The following RYR2 variants were observed in gnomAD, a reference collection of about 807,000 sequenced individuals.
RYR2 encodes ryanodine receptor 2, also known as cardiac muscle ryanodine receptor-calcium release channel.
RYR2 carries 227 observed loss-of-function variants against 601.1 expected under a neutral mutation model. That is an observed-to-expected ratio of 0.38 (90% CI 0.34 to 0.42). The LOEUF is 0.42. RYR2 is among the 10% of genes least tolerant of loss of function. The pLI, the probability that RYR2 is intolerant of heterozygous loss-of-function variation, is 1.00. For synonymous variants in RYR2, 2,223 were observed against 2,175.1 expected, an observed-to-expected ratio of 1.02 and a Z score of -0.61; for missense variants, 4,646 against 6,156.5, an observed-to-expected ratio of 0.75 and a Z score of 8.21.
intron 40 of RYR2, among the ~76,000 whole-genome samples, chr1:237,626,014 T>A (rs1679607882): frequency 6.6e-6 from 1 of 152,158 alleles, no homozygotes; most frequent in African/African-American, 2.4e-5. Context: ...AGCAGCATGA[T>A]AAAGATGGAT....
intron 63 of RYR2, among the ~76,000 whole-genome samples, chr1:237,694,681 A>G (rs930882748): frequency 4.6e-5 from 7 of 152,220 alleles, no homozygotes; most frequent in Non-Finnish European, 1.0e-4. Flanking sequence ...TCAGTTGAAC[A>G]TAGCATTATA....
At chr1:237,421,670 G>T (rs1270359749) in intron 11 of RYR2, among the ~76,000 whole-genome samples, 1 of 152,120 alleles carries the variant, frequency 6.6e-6, no homozygotes, top group Non-Finnish European at 1.5e-5. Context: ...TAATAAGTCT[G>T]TATGAACCCA....
chr1:237,152,891 T>A (rs1243634212), intron 1 of RYR2, among the ~76,000 whole-genome samples: 2 of 148,160 alleles, frequency 1.3e-5, no homozygotes, highest in South Asian at 2.2e-4. Flanking sequence ...TGGGAAAAAA[T>A]TTTTGCAGTT....
At chr1:237,766,879 T>C (rs187334871) in intron 84 of RYR2, among the ~76,000 whole-genome samples, 253 of 152,354 alleles carry the variant, frequency 1.7e-3, no homozygotes, top group Non-Finnish European at 2.8e-3. Flanking sequence ...ATGCATTGTA[T>C]ACAACGCTGT....
At chr1:237,814,963 TTC>T (rs1322263700) in intron 100 of RYR2, among the ~76,000 whole-genome samples, 1,582 of 106,232 alleles carry the variant, frequency 0.015, 55 homozygotes, top group African/African-American at 0.042. Context: ...TTTTTCTTTT[TTC>T]TTTTTTTTTT....
chr1:237,167,232 G>A (rs894310055), intron 1 of RYR2, among the ~76,000 whole-genome samples: 2 of 152,100 alleles, frequency 1.3e-5, no homozygotes, highest in African/African-American at 4.8e-5. Context: ...CTCATTCTGG[G>A]GAAGAGGGGA....
At chr1:237,608,993 CTCTTCTTCTCTT>C (rs1254406387) in intron 35 of RYR2, among the ~76,000 whole-genome samples, 2 of 151,566 alleles carry the variant, frequency 1.3e-5, no homozygotes, top group African/African-American at 2.4e-5. Flanking sequence ...TCTTCTTTCT[CTCTTCTTCTCTT>C]CTCCCTCTCC....
intron 63 of RYR2, among the ~76,000 whole-genome samples, chr1:237,695,136 A>T (rs551554528): frequency 6.6e-6 from 1 of 152,176 alleles, no homozygotes; most frequent in African/African-American, 2.4e-5. Context: ...AACTTTATTT[A>T]AAAAAACAAT....
chr1:237,708,719 C>A, intron 68 of RYR2, 139 bp from the exon 69 acceptor site: 1 of 600,110 alleles, frequency 1.7e-6, no homozygotes, highest in Non-Finnish European at 2.7e-6. Flanking sequence ...AGAAAAATGG[C>A]TGAGGCATGA....
chr1:237,253,683 C>CT (rs1432289062), intron 1 of RYR2, among the ~76,000 whole-genome samples: 27 of 152,284 alleles, frequency 1.8e-4, no homozygotes, highest in South Asian at 4.1e-4. Flanking sequence ...TACAACCTAA[C>CT]TTTTATCAGG....
intron 24 of RYR2, among the ~76,000 whole-genome samples, chr1:237,515,474 G>A (rs1666323504): frequency 6.6e-6 from 1 of 152,114 alleles, no homozygotes; most frequent in Non-Finnish European, 1.5e-5. Context: ...GGTGAAGGAT[G>A]GGAGGAATAG....
chr1:237,456,831 A>T lies in RYR2; in HGVS notation c.1612+96A>T, dbSNP rs570932647. 1.9e-5 allele frequency: 26 copies of T among 1,375,828 alleles called. No individual in the cohort carries two copies. The East Asian group carries it at 4.2e-4, about 22-fold the overall frequency. 85.2% of individuals were successfully genotyped at this position (1,375,828 alleles called of 1,614,324 possible). A position where few individuals can be genotyped will look rare whatever the true frequency, so the allele number is the denominator to read the frequency against. On this transcript the variant is annotated intron_variant, in intron 16 of 104. Coordinates refer to ENST00000366574, the MANE Select transcript of RYR2 (RefSeq NM_001035.3). ...ATGGCTCATGCCTGTAATTCCAGCA[A>T]TTTGGGAGGCTGAGGTGGGAGGATC...
Position 237,761,044 on chromosome 1 carries a change from A to G in RYR2, c.11476+16A>G, listed in dbSNP as rs1276280830. The G allele has an allele frequency of 4.8e-6, 7 of 1,468,212 alleles. No homozygotes were observed. Among genetic ancestry groups the G allele is most frequent in the East Asian group, 2.4e-5 (1 of 41,580 alleles). 90.9% of individuals were successfully genotyped at this position (1,468,212 alleles called of 1,614,324 possible). A position where few individuals can be genotyped will look rare whatever the true frequency, so the allele number is the denominator to read the frequency against. ...GAAGGATCAGGTATTAATGACTTAC[A>G]TTAAAAGGATCACCTGTCTCCCTTC... On this transcript the variant is annotated intron_variant, in intron 84 of 104. Transcript: ENST00000366574.
intron 80 of RYR2, 31 bp from the exon 81 acceptor site, chr1:237,756,257 C>T: frequency 6.9e-7 from 1 of 1,457,974 alleles, no homozygotes; most frequent in Non-Finnish European, 9.6e-7. Context: ...TACTGATACC[C>T]TCAACATAAA....
At chr1:237,437,206 A>G (rs990523311) in intron 12 of RYR2, among the ~76,000 whole-genome samples, 2 of 151,580 alleles carry the variant, frequency 1.3e-5, no homozygotes, top group Admixed American at 6.6e-5. Flanking sequence ...CACCACGCTC[A>G]GCTAATTTTT....
intron 2 of RYR2, among the ~76,000 whole-genome samples, chr1:237,291,184 C>T (rs1692143302): frequency 1.3e-5 from 2 of 152,200 alleles, no homozygotes; most frequent in Middle Eastern, 3.4e-3. Flanking sequence ...TGAAAACATG[C>T]ACATACGTAT....
At chr1:237,790,995 C>T (rs1276177205) in intron 92 of RYR2, among the ~76,000 whole-genome samples, 5 of 152,010 alleles carry the variant, frequency 3.3e-5, no homozygotes, top group Non-Finnish European at 7.4e-5. Flanking sequence ...TAACTCAGGG[C>T]CTCTGCCCTT....
intron 84 of RYR2, among the ~76,000 whole-genome samples, chr1:237,762,544 G>A (rs1693510462): frequency 1.3e-5 from 2 of 152,190 alleles, no homozygotes; most frequent in African/African-American, 4.8e-5. Flanking sequence ...CTTAGTCGCT[G>A]TTCATATCAG....
intron 10 of RYR2, among the ~76,000 whole-genome samples, chr1:237,404,128 C>T (rs1703650573): frequency 1.3e-5 from 2 of 152,132 alleles, no homozygotes; most frequent in African/African-American, 4.8e-5. Context: ...GTGGCATGCA[C>T]CTGTAGTTCT....
Sources: gnomAD v4.1 joint callset for allele counts (sites outside exome capture counted in the v4.1 genomes callset) on GRCh38, gnomAD v4.1.1 for gene constraint, MANE v1.5 for transcripts, NCBI Gene and HGNC (gene_info 2026-07-23, HGNC 2026-07-21) for gene names.